STK32B: variants seen among roughly 807,000 people sequenced by gnomAD.
The protein encoded by STK32B is serine/threonine kinase 32B.
STK32B carries 43 observed loss-of-function variants against 52.6 expected under a neutral mutation model. That is an observed-to-expected ratio of 0.82 (90% CI 0.64 to 1.05). The LOEUF is 1.05. Among genes scored for constraint, STK32B ranks in the 50% least tolerant of loss-of-function variants. STK32B has a pLI of 0.00. For missense variants in STK32B, 621 were observed against 534.6 expected, an observed-to-expected ratio of 1.16 and a Z score of -1.59; for synonymous variants, 238 against 204.3, an observed-to-expected ratio of 1.17 and a Z score of -1.41.
At chr4:5,409,419 A>G (rs892443434) in intron 5 of STK32B, among the ~76,000 whole-genome samples, 6 of 152,196 alleles carry the variant, frequency 3.9e-5, no homozygotes, top group Non-Finnish European at 8.8e-5. Flanking sequence ...TCATAAAATC[A>G]CATGCTCAAT....
At chr4:5,357,084 CGT>C (rs1734235990) in intron 4 of STK32B, among the ~76,000 whole-genome samples, 1 of 129,864 alleles carries the variant, frequency 7.7e-6, no homozygotes, top group African/African-American at 3.6e-5. Flanking sequence ...CACACACACA[CGT>C]ATACACACAC....
At chr4:5,298,249 G>T (rs1729334165) in intron 3 of STK32B, among the ~76,000 whole-genome samples, 2 of 152,206 alleles carry the variant, frequency 1.3e-5, no homozygotes, top group African/African-American at 4.8e-5. Flanking sequence ...CTCCCAGTCA[G>T]GAGGCACAGG....
chr4:5,278,532 G>T (rs760308238), intron 3 of STK32B, among the ~76,000 whole-genome samples: 1 of 152,180 alleles, frequency 6.6e-6, no homozygotes, highest in Non-Finnish European at 1.5e-5. Context: ...CTGTCCGTCA[G>T]CACAAGAGAC....
chr4:5,335,281 T>C (rs1274899443), intron 4 of STK32B, among the ~76,000 whole-genome samples: 1 of 152,206 alleles, frequency 6.6e-6, no homozygotes, highest in Non-Finnish European at 1.5e-5. Context: ...GTTTGTAGTA[T>C]TCTCTGATGG....
intron 3 of STK32B, among the ~76,000 whole-genome samples, chr4:5,307,325 G>C (rs2108905210): frequency 6.6e-6 from 1 of 152,114 alleles, no homozygotes; most frequent in Non-Finnish European, 1.5e-5. Context: ...TGGAGGCTTT[G>C]TTCATTTTTT....
At chr4:5,263,523 C>T (rs1473314265) in intron 3 of STK32B, among the ~76,000 whole-genome samples, 1 of 152,198 alleles carries the variant, frequency 6.6e-6, no homozygotes, top group East Asian at 1.9e-4. Context: ...ACAGCTGCCA[C>T]AGAACTCAGC....
Position 5,460,375 on chromosome 4 carries a change from G to A in STK32B, c.909+147G>A. 1 of 1,308,354 alleles carries A rather than the reference G, an allele frequency of 7.6e-7. No individual in the cohort carries two copies. Among genetic ancestry groups the A allele is most frequent in the Non-Finnish European group, 1.0e-6 (1 of 965,196 alleles). The allele number at this position is 1,308,354 out of a possible 1,614,324, so 81.0% of individuals were successfully genotyped here. On this transcript the variant is annotated intron_variant, in intron 9 of 11. Coordinates refer to ENST00000282908, the MANE Select transcript of STK32B (RefSeq NM_018401.3). This position sits in a 1 kb window ranked among gnomAD's most constrained non-coding sequence, Gnocchi z 4.8. ...GGGCTTATGTCTTGCTGGAATTCAG[G>A]GTGAACTTGGGCCTGATTTCCAGGG... is the stretch of plus-strand genomic sequence containing the variant.
At chr4:5,134,150 A>C (rs73091507) in intron 1 of STK32B, among the ~76,000 whole-genome samples, 16,529 of 152,234 alleles carry the variant, frequency 0.11, 1,160 homozygotes, top group Admixed American at 0.24. Context: ...GAATCAGAGA[A>C]TATTGTGGAA....
intron 11 of STK32B, among the ~76,000 whole-genome samples, chr4:5,486,263 T>C (rs1004612539): frequency 6.6e-6 from 1 of 152,154 alleles, no homozygotes; most frequent in African/African-American, 2.4e-5. Context: ...CCTCTTTGTT[T>C]ACCTACTCAA....
intron 3 of STK32B, among the ~76,000 whole-genome samples, chr4:5,299,270 C>G (rs1729402962): frequency 6.6e-6 from 1 of 151,974 alleles, no homozygotes; most frequent in African/African-American, 2.4e-5. Flanking sequence ...TTCTTTTTAT[C>G]TTTTTTTAAA....
chr4:5,378,774 G>A lies in STK32B; in HGVS notation c.435-19433G>A, dbSNP rs1055395671. On this transcript the variant is annotated intron_variant, in intron 4 of 11. Coordinates refer to ENST00000282908, the MANE Select transcript of STK32B (RefSeq NM_018401.3). The surrounding 1 kb of genome is among the most constrained non-coding windows in gnomAD (Gnocchi z 4.4). ...AAATGTCTTTGAGAAACGCTGGCTG[G>A]GTAGATGAGTTTGTGACGGGGAGGG... Among the ~76,000 whole-genome samples the A allele has an allele frequency of 6.6e-6, 1 of 152,168 alleles. No individual in the cohort carries two copies. Among genetic ancestry groups the A allele is most frequent in the Non-Finnish European group, 1.5e-5 (1 of 68,038 alleles).
chr4:5,253,159 G>A (rs1323917122), intron 3 of STK32B, among the ~76,000 whole-genome samples: 1 of 152,040 alleles, frequency 6.6e-6, no homozygotes, highest in Non-Finnish European at 1.5e-5. Flanking sequence ...GGAGCATTGG[G>A]TTGATCCACA....
chr4:5,423,488 A>G (rs1269230913), intron 6 of STK32B, among the ~76,000 whole-genome samples: 2 of 152,184 alleles, frequency 1.3e-5, no homozygotes, highest in African/African-American at 4.8e-5. Flanking sequence ...ATAATGCCTG[A>G]TGAAAGGTAA....
chr4:5,167,675 C>T (rs1718983724), intron 2 of STK32B, among the ~76,000 whole-genome samples: 1 of 152,244 alleles, frequency 6.6e-6, no homozygotes, highest in Non-Finnish European at 1.5e-5. Flanking sequence ...TGGCATCAGC[C>T]TCATCCCAGG....
Position 5,215,007 on chromosome 4 carries a change from T to TA in STK32B, c.260+46563dup, listed in dbSNP as rs539958822. Among the ~76,000 whole-genome samples the TA allele has an allele frequency of 8.4e-4, 128 of 152,334 alleles. No individual in the cohort carries two copies. The South Asian group carries it at 0.014, about 17-fold the overall frequency. ...ATGAAAAGAGATGGATCATTGCTTT[T>TA]AAAAAACCGCACAAAGACATTGGGA... On this transcript the variant is annotated intron_variant, in intron 3 of 11. Transcript: ENST00000282908.
At chr4:5,368,795 G>T (rs952482017) in intron 4 of STK32B, among the ~76,000 whole-genome samples, 1 of 152,188 alleles carries the variant, frequency 6.6e-6, no homozygotes, top group African/African-American at 2.4e-5. Context: ...CTTGCCTGGG[G>T]ACACTGTGCA....
chr4:5,237,929 A>G (rs1220923702), intron 3 of STK32B, among the ~76,000 whole-genome samples: 4 of 152,180 alleles, frequency 2.6e-5, no homozygotes, highest in East Asian at 3.9e-4. Flanking sequence ...CAGAATCAGA[A>G]TACCTTGGCC....
intron 3 of STK32B, among the ~76,000 whole-genome samples, chr4:5,302,640 CAGTT>C (rs1251941435): frequency 6.6e-5 from 10 of 151,934 alleles, no homozygotes; most frequent in Admixed American, 5.9e-4. Flanking sequence ...TTTGGGGAAA[CAGTT>C]AGTGTTTGCT....
chr4:5,178,339 G>A (rs1454892091), intron 3 of STK32B, among the ~76,000 whole-genome samples: 1 of 152,178 alleles, frequency 6.6e-6, no homozygotes, highest in African/African-American at 2.4e-5. Context: ...CAGGTCACCA[G>A]CTTTCAAGAC....
Sources: gnomAD v4.1 joint callset for allele counts (sites outside exome capture counted in the v4.1 genomes callset) on GRCh38, gnomAD v4.1.1 for gene constraint, Gnocchi (gnomAD v3.1) non-coding constraint, MANE v1.5 for transcripts, NCBI Gene and HGNC (gene_info 2026-07-23, HGNC 2026-07-21) for gene names.